GOLT1A: variants seen among roughly 807,000 people sequenced by gnomAD.
GOLT1A encodes the protein vesicle transport protein GOT1A.
GOLT1A carries 10 observed loss-of-function variants against 16.1 expected under a neutral mutation model. That is an observed-to-expected ratio of 0.62 (90% CI 0.38 to 1.05). GOLT1A has a LOEUF of 1.05. Ranked by LOEUF, GOLT1A falls within the 50% of genes least tolerant of loss-of-function variation. The pLI is 0.01. For missense variants in GOLT1A, 137 were observed against 165.7 expected (o/e 0.83, Z 0.95); for synonymous variants, 60 against 67.9 (o/e 0.88, Z 0.57).
intron 1 of GOLT1A, among the ~76,000 whole-genome samples, chr1:204,211,671 C>G (rs917119592): frequency 3.3e-5 from 5 of 152,148 alleles, no homozygotes; most frequent in Non-Finnish European, 5.9e-5. Context: ...GTTGAGGACC[C>G]AACCCACCTC....
chr1:204,200,299 G>GTATACATATATATATATATA (rs1553233959), intron 3 of GOLT1A, among the ~76,000 whole-genome samples: 1 of 82,684 alleles, frequency 1.2e-5, no homozygotes, highest in Non-Finnish European at 2.3e-5. Flanking sequence ...ACATATATGT[G>GTATACATATATATATATATA]TATATATATA....
chr1:204,201,844 C>T (rs1230168249), intron 2 of GOLT1A, 33 bp from the exon 3 acceptor site: 4 of 1,601,960 alleles, frequency 2.5e-6, no homozygotes, highest in Non-Finnish European at 3.4e-6. Context: ...TGAAGCAAAC[C>T]CACCAGCCCC....
chr1:204,208,444 G>A (rs1273426517), intron 1 of GOLT1A, among the ~76,000 whole-genome samples: 1 of 72,926 alleles, frequency 1.4e-5, no homozygotes, highest in Non-Finnish European at 3.5e-5. Context: ...ATACATATGT[G>A]TGTATATATG....
chr1:204,202,620 C>T (rs185533922), intron 2 of GOLT1A, among the ~76,000 whole-genome samples: 2 of 152,024 alleles, frequency 1.3e-5, no homozygotes, highest in Non-Finnish European at 2.9e-5. Context: ...CCTCTTAGAA[C>T]CCCCAGGGTC....
chr1:204,206,300 T>C (rs1249374138), intron 1 of GOLT1A, among the ~76,000 whole-genome samples: 1 of 152,228 alleles, frequency 6.6e-6, no homozygotes, highest in Non-Finnish European at 1.5e-5. Flanking sequence ...CTGACAAGCC[T>C]CGTGATCTAT....
At chr1:204,212,982 G>A (rs1014383624) in intron 1 of GOLT1A, among the ~76,000 whole-genome samples, 5 of 152,032 alleles carry the variant, frequency 3.3e-5, no homozygotes, top group African/African-American at 1.2e-4. Context: ...GAGCTGCGTG[G>A]CTTTGCTTCC....
At chr1:204,212,357 G>A (rs1034889663) in intron 1 of GOLT1A, among the ~76,000 whole-genome samples, 1 of 152,002 alleles carries the variant, frequency 6.6e-6, no homozygotes, top group African/African-American at 2.4e-5. Context: ...TTCCCTGGCT[G>A]GGCGCGGTGG....
At chr1:204,211,594 A>G (rs1387298365) in intron 1 of GOLT1A, among the ~76,000 whole-genome samples, 1 of 152,118 alleles carries the variant, frequency 6.6e-6, no homozygotes, top group Non-Finnish European at 1.5e-5. Context: ...GGACTTGCTT[A>G]TCATATTTGG....
chr1:204,198,644 G>A, intron 4 of GOLT1A, 148 bp from the exon 5 acceptor site: 1 of 701,998 alleles, frequency 1.4e-6, no homozygotes, highest in Non-Finnish European at 2.4e-6. Context: ...TGGCGGTTGT[G>A]GTGGGGTGCT....
At chr1:204,203,030 G>T in intron 1 of GOLT1A, 43 bp from the exon 2 acceptor site, 1 of 1,530,476 alleles carries the variant, frequency 6.5e-7, no homozygotes, top group Non-Finnish European at 9.0e-7. Context: ...GCTTTGGGGA[G>T]CAGGTGGGGA....
intron 1 of GOLT1A, among the ~76,000 whole-genome samples, chr1:204,211,828 G>T (rs903827399): frequency 6.6e-6 from 1 of 152,146 alleles, no homozygotes; most frequent in Non-Finnish European, 1.5e-5. Context: ...AACTTGGAGT[G>T]GGGGTGCTAC....
In GOLT1A at chr1:204,207,272, G is replaced by A. The variant is rs1026050549; in HGVS notation, c.26-4285C>T. ...ATTGGGCAGCGCGCCCTCTGCTGGA[G>A]GCGGCCAGGGCTGTCACGCCTACAC... On this transcript the variant is annotated intron_variant, in intron 1 of 4. Transcript: ENST00000308302. Among the ~76,000 whole-genome samples the A allele has an allele frequency of 5.9e-5, 9 of 152,246 alleles. No homozygotes were observed. In the South Asian group the frequency reaches 1.0e-3, roughly 18 times the overall value.
chr1:204,208,697 A>G (rs1329209181), intron 1 of GOLT1A, among the ~76,000 whole-genome samples: 3 of 151,530 alleles, frequency 2.0e-5, no homozygotes, highest in African/African-American at 7.3e-5. Flanking sequence ...GACTTTGGGG[A>G]CTCATGGGAA....
intron 1 of GOLT1A, among the ~76,000 whole-genome samples, chr1:204,209,945 C>T (rs1659114748): frequency 6.6e-6 from 1 of 152,170 alleles, no homozygotes; most frequent in African/African-American, 2.4e-5. Context: ...GTAATCCCAG[C>T]TACTTGGGAG....
At chr1:204,213,521 A>AG (rs1659170326) in intron 1 of GOLT1A, among the ~76,000 whole-genome samples, 1 of 152,270 alleles carries the variant, frequency 6.6e-6, no homozygotes, top group South Asian at 2.1e-4. Flanking sequence ...CCAGGGCCAC[A>AG]GGAGACCTTG....
intron 1 of GOLT1A, among the ~76,000 whole-genome samples, chr1:204,212,168 T>C (rs1357281434): frequency 6.6e-6 from 1 of 152,116 alleles, no homozygotes; most frequent in Non-Finnish European, 1.5e-5. Context: ...CACTCAACCC[T>C]TCCCATTGCA....
chr1:204,208,360 ATATG>A (rs1659077754), intron 1 of GOLT1A, among the ~76,000 whole-genome samples: 1 of 132,978 alleles, frequency 7.5e-6, no homozygotes, highest in Admixed American at 8.2e-5. Flanking sequence ...ATGTATGTAT[ATATG>A]TGTGTATCTA....
At chr1:204,213,516 G>A (rs892168877) in intron 1 of GOLT1A, among the ~76,000 whole-genome samples, 1 of 152,248 alleles carries the variant, frequency 6.6e-6, no homozygotes, top group Non-Finnish European at 1.5e-5. Context: ...AGCCCCCAGG[G>A]CCACAGGAGA....
rs146945182 is a variant in GOLT1A at position 204,201,697 on chromosome 1, C to T, written c.232G>A (p.Val78Met). The change falls in exon 3 of 5, where the codon GTG becomes ATG. Residue 78 changes from valine to methionine, a missense_variant. Val to Met is a conservative substitution (Grantham distance 21). Coordinates refer to ENST00000308302, the MANE Select transcript of GOLT1A (RefSeq NM_198447.2). ...CCGAGGAGGGGCCAGCGTAGGAGCA[C>T]GATAACCACACCCCCCAGGAGGAAG... ...TSFLLGGVVI[V>M]LLRWPLLGMF... The T allele has an allele frequency of 9.4e-4, 1,525 of 1,614,100 alleles. 2 individuals carry two copies. Among genetic ancestry groups the T allele is most frequent in the Non-Finnish European group, 1.2e-3 (1,456 of 1,180,020 alleles).
Sources: allele counts gnomAD v4.1 joint callset (sites outside exome capture counted in the v4.1 genomes callset), GRCh38; gene constraint gnomAD v4.1.1; transcripts MANE v1.5; gene names NCBI Gene and HGNC (gene_info 2026-07-23, HGNC 2026-07-21).